Variants in AZIN2 observed in about 807,000 individuals in gnomAD.
The protein encoded by AZIN2 is antizyme inhibitor 2.
AZIN2 carries 28 observed loss-of-function variants against 47.8 expected under a neutral mutation model. The ratio of observed to expected loss-of-function variants is 0.59; its 90% confidence interval spans 0.43 to 0.80. AZIN2 has a LOEUF of 0.80. Ranked by LOEUF, AZIN2 falls within the 30% of genes least tolerant of loss-of-function variation. The pLI is 0.00. For synonymous variants in AZIN2, 221 were observed against 239.4 expected (o/e 0.92, Z 0.71); for missense variants, 535 against 582.5 (o/e 0.92, Z 0.84).
chr1:33,121,602 T>C lies in AZIN2; in HGVS notation c.*1420T>C, dbSNP rs1436293325. 6.6e-6 allele frequency among the ~76,000 whole-genome samples: 1 copy of C among 152,062 alleles called. No homozygotes were observed. Among genetic ancestry groups the C allele is most frequent in the Non-Finnish European group, 1.5e-5 (1 of 67,992 alleles). The stretch of plus-strand genomic sequence containing the variant: ...CAAATAAAGAAATAAATAAATAAAG[T>C]GGAGAAGTTAGTGGTTTCTGGTGTA... On this transcript the variant is annotated 3_prime_UTR_variant, in exon 12 of 12. Transcript: ENST00000294517.
At chr1:33,108,233 A>G (rs1373973244) in intron 10 of AZIN2, among the ~76,000 whole-genome samples, 7 of 152,238 alleles carry the variant, frequency 4.6e-5, no homozygotes, top group Non-Finnish European at 8.8e-5. Context: ...GGGAAAGGAC[A>G]GTCTCTTCCA....
chr1:33,134,531 A>G, the AZIN2 span, among the ~76,000 whole-genome samples: 1 of 152,240 alleles, frequency 6.6e-6, no homozygotes, highest in Non-Finnish European at 1.5e-5. Flanking sequence ...GGAGGGGGTC[A>G]GAAGACAGAG....
chr1:33,106,069 A>G (rs1360663097), intron 10 of AZIN2, among the ~76,000 whole-genome samples: 1 of 152,246 alleles, frequency 6.6e-6, no homozygotes, highest in Non-Finnish European at 1.5e-5. Flanking sequence ...AAAATTATAA[A>G]TGAAAGAGGA....
chr1:33,086,986 C>T (rs1440997394), intron 5 of AZIN2, among the ~76,000 whole-genome samples: 2 of 152,216 alleles, frequency 1.3e-5, no homozygotes, highest in African/African-American at 4.8e-5. Flanking sequence ...CACTTACCAA[C>T]ATCCAGTGAG....
chr1:33,093,323 G>A lies in AZIN2; in HGVS notation c.494G>A (p.Ser165Asn). The stretch of plus-strand genomic sequence containing the variant: ...GCTACCGATGACTCCCACTCCCTGA[G>A]CTGCCTGAGCCTAAAGTTTGGAGTG... Reference protein sequence around the residue: ...CIATDDSHSLSCLSLKFGVSL... With the variant: ...CIATDDSHSLNCLSLKFGVSL... The change falls in exon 7 of 12, where the codon AGC becomes AAC. Residue 165 changes from serine (S) to asparagine (N), a missense_variant. Around this residue, in one of 3 missense-constraint regions of AZIN2, gnomAD observed 409 missense variants for 429.0 expected, o/e 0.95. Transcript: ENST00000294517. 1 of 1,614,066 alleles carries A rather than the reference G, an allele frequency of 6.2e-7. No homozygotes were observed.
rs190144294 is a variant in AZIN2 at position 33,097,878 on chromosome 1, G to A, written c.917-189G>A. Reference sequence around the variant, plus strand: ...AGGTTGCTTGGCTGCAGGGGTGAGTGTTCCTAACACGGCAGTGAACCCATG... The same window carrying A: ...AGGTTGCTTGGCTGCAGGGGTGAGTATTCCTAACACGGCAGTGAACCCATG... On this transcript the variant is annotated intron_variant, in intron 9 of 11. Coordinates refer to ENST00000294517, the MANE Select transcript of AZIN2 (RefSeq NM_052998.4). The A allele has an allele frequency of 2.1e-3, 1,222 of 595,346 alleles. 9 individuals carry two copies. The highest frequency in any genetic ancestry group is 3.0e-3 in the Non-Finnish European group (990 of 328,222). The allele number at this position is 595,346 out of a possible 1,614,324, so 36.9% of individuals were successfully genotyped here.
chr1:33,132,917 G>A, the AZIN2 span, among the ~76,000 whole-genome samples: 1 of 152,212 alleles, frequency 6.6e-6, no homozygotes, highest in African/African-American at 2.4e-5. Context: ...AAAGCATGGG[G>A]GAATGTTTTA....
chr1:33,166,785 A>T, the AZIN2 span, among the ~76,000 whole-genome samples: 3 of 152,172 alleles, frequency 2.0e-5, 1 homozygote, highest in Admixed American at 6.5e-5. Flanking sequence ...ATAAAAACAC[A>T]ATCAGCCTCA....
At chr1:33,114,355 CTT>C (rs59452990) in intron 10 of AZIN2, among the ~76,000 whole-genome samples, 23 of 115,940 alleles carry the variant, frequency 2.0e-4, no homozygotes, top group Admixed American at 4.9e-4. Flanking sequence ...TTTTTCTTTT[CTT>C]TTTTTTTTTT....
At chr1:33,161,148 C>T in the AZIN2 span, among the ~76,000 whole-genome samples, 7 of 152,206 alleles carry the variant, frequency 4.6e-5, no homozygotes, top group East Asian at 5.8e-4. This position sits in a 1 kb window ranked among gnomAD's most constrained non-coding sequence, Gnocchi z 4.3. Context: ...TGTTGTTGTG[C>T]GCACTCCAAG....
chr1:33,121,434 G>A lies in AZIN2; in HGVS notation c.*1252G>A, dbSNP rs1215287475. On this transcript the variant is annotated 3_prime_UTR_variant, in exon 12 of 12. Coordinates refer to ENST00000294517, the MANE Select transcript of AZIN2 (RefSeq NM_052998.4). ...AAAAATTAGCCAGGTGTGGTGGTAT[G>A]TGCCTGTAATTCCAGCTACTCAGGA... Among the ~76,000 whole-genome samples, 2 of 152,132 alleles carry A rather than the reference G, an allele frequency of 1.3e-5. No individual in the cohort carries two copies. The highest frequency in any genetic ancestry group is 1.3e-4 in the Admixed American group (2 of 15,278).
intron 11 of AZIN2, chr1:33,118,879 T>C (rs1335783784): frequency 2.0e-5 from 3 of 152,232 alleles, no homozygotes; most frequent in Non-Finnish European, 2.9e-5. Context: ...CATCAGGCCT[T>C]ACGTTAGGTG....
At chr1:33,108,166 TA>T (rs1207323324) in intron 10 of AZIN2, among the ~76,000 whole-genome samples, 1 of 152,026 alleles carries the variant, frequency 6.6e-6, no homozygotes, top group Non-Finnish European at 1.5e-5. Flanking sequence ...AGCCCAGAAA[TA>T]AATCCATGCA....
chr1:33,157,689 G>C, the AZIN2 span, among the ~76,000 whole-genome samples: 1 of 151,896 alleles, frequency 6.6e-6, no homozygotes. Flanking sequence ...AGTCTATGAA[G>C]TGTCCAGGCC....
the AZIN2 span, chr1:33,159,849 C>A: frequency 6.2e-7 from 1 of 1,613,414 alleles, no homozygotes; most frequent in African/African-American, 1.3e-5. This position sits in a 1 kb window ranked among gnomAD's most constrained non-coding sequence, Gnocchi z 4.2. Flanking sequence ...TGTCCGCCTC[C>A]AGCTCCTCTA....
chr1:33,114,645 G>A (rs868380936), intron 10 of AZIN2, among the ~76,000 whole-genome samples: 3 of 132,796 alleles, frequency 2.3e-5, no homozygotes, highest in Non-Finnish European at 4.7e-5. Context: ...GAGCCACCGC[G>A]ACCCGCCTTT....
chr1:33,093,504 G>T, intron 7 of AZIN2, 88 bp downstream of exon 7: 1 of 1,491,800 alleles, frequency 6.7e-7, no homozygotes, highest in Non-Finnish European at 9.0e-7. Flanking sequence ...ACCTTCCCCA[G>T]GGCCTCTGAG....
At chr1:33,147,120 G>T in the AZIN2 span, 1 of 1,572,838 alleles carries the variant, frequency 6.4e-7, no homozygotes, top group Non-Finnish European at 8.7e-7. This position sits in a 1 kb window ranked among gnomAD's most constrained non-coding sequence, Gnocchi z 8.1. Context: ...TATCTCCTGG[G>T]CAGGGCTCTT....
intron 4 of AZIN2, 117 bp from the exon 5 acceptor site, chr1:33,083,837 C>A: frequency 1.6e-6 from 2 of 1,256,064 alleles, no homozygotes; most frequent in South Asian, 1.3e-5. Flanking sequence ...AACTTAGCAG[C>A]AGGGTAGCTC....
Sources: allele counts gnomAD v4.1 joint callset (sites outside exome capture counted in the v4.1 genomes callset), GRCh38; gene constraint gnomAD v4.1.1; regional missense constraint gnomAD v4.1.1; non-coding constraint Gnocchi (gnomAD v3.1); transcripts MANE v1.5; gene names NCBI Gene and HGNC (gene_info 2026-07-23, HGNC 2026-07-21).